The following IPO11 variants were observed in gnomAD, a reference collection of about 807,000 sequenced individuals.
The protein encoded by IPO11 is importin-11.
Under a neutral mutation model 143.2 loss-of-function variants are expected in IPO11, and 66 were observed. The ratio of observed to expected loss-of-function variants is 0.46; its 90% CI spans 0.38 to 0.57. The LOEUF (loss-of-function observed/expected upper bound fraction) is 0.57. Ranked by LOEUF, IPO11 falls within the 20% of genes least tolerant of loss-of-function variation. IPO11 has a pLI of 0.00. For missense variants in IPO11, 1,026 were observed against 1,141.0 expected (o/e 0.90, Z 1.45); for synonymous variants, 385 against 377.8 (o/e 1.02, Z -0.22).
chr5:62,419,126 T>A, intron 1 of IPO11: 1 of 1,549,138 alleles, frequency 6.5e-7, no homozygotes, highest in Non-Finnish European at 8.7e-7. Flanking sequence ...TGTCACAAAA[T>A]GGTAAGTATT....
intron 21 of IPO11, 84 bp from the exon 22 acceptor site, chr5:62,530,625 G>T: frequency 1.3e-6 from 1 of 768,874 alleles, no homozygotes; most frequent in Non-Finnish European, 2.2e-6. Context: ...TCATTTAAAT[G>T]AGACCTTTTA....
At chr5:62,524,041 C>T (rs184074911) in intron 20 of IPO11, among the ~76,000 whole-genome samples, 1 of 152,030 alleles carries the variant, frequency 6.6e-6, no homozygotes, top group East Asian at 1.9e-4. Flanking sequence ...ATTAATTCTC[C>T]CCTCTTTAAT....
intron 1 of IPO11, among the ~76,000 whole-genome samples, chr5:62,434,886 G>A (rs570177967): frequency 1.9e-3 from 283 of 151,334 alleles, no homozygotes; most frequent in African/African-American, 6.5e-3. Context: ...TTAGCTGGGC[G>A]TGGTGGCTCG....
intron 1 of IPO11, among the ~76,000 whole-genome samples, chr5:62,424,414 C>CTTAA (rs1743639051): frequency 6.6e-6 from 1 of 151,560 alleles, no homozygotes; most frequent in African/African-American, 2.4e-5. Flanking sequence ...GCTGGGATTA[C>CTTAA]GGGTGTGAGC....
intron 29 of IPO11, among the ~76,000 whole-genome samples, chr5:62,606,466 AC>A (rs1745718631): frequency 7.5e-6 from 1 of 133,562 alleles, no homozygotes; most frequent in Non-Finnish European, 1.6e-5. Context: ...AGACAACAGA[AC>A]GAGACCCTGT....
chr5:62,589,670 T>C (rs538361476), intron 27 of IPO11, among the ~76,000 whole-genome samples: 95 of 152,296 alleles, frequency 6.2e-4, no homozygotes, highest in Admixed American at 1.1e-3. Flanking sequence ...ATGTGGTTCT[T>C]TTTACTGCCC....
Position 62,514,590 on chromosome 5 carries a change from AGGGAGAGGGAGAC to A in IPO11, c.1783-785_1783-773del, listed in dbSNP as rs1280279100. Among the ~76,000 whole-genome samples the A allele has an allele frequency of 3.0e-5, 4 of 132,438 alleles. 1 individual carries two copies. The highest frequency in any genetic ancestry group is 1.2e-4 in the African/African-American group (4 of 32,964). 86.9% of individuals were successfully genotyped at this position (132,438 alleles called of 152,430 possible). A position where few individuals can be genotyped will look rare whatever the true frequency, so the allele number is the denominator to read the frequency against. On this transcript the variant is annotated intron_variant, in intron 19 of 29. Transcript: ENST00000325324. ...ATGAGAGGGAGACCGTGGAAAGGAG[AGGGAGAGGGAGAC>A]GGGAGAGGGAGAGGGAGAGGGAGAG...
chr5:62,435,090 A>ATATATG (rs1561308723), intron 1 of IPO11, among the ~76,000 whole-genome samples: 1 of 82,298 alleles, frequency 1.2e-5, no homozygotes, highest in Non-Finnish European at 2.4e-5. Context: ...ATGTGTATAT[A>ATATATG]TGTATATATG....
chr5:62,413,804 T>C (rs980907383), intron 1 of IPO11, among the ~76,000 whole-genome samples: 6 of 152,246 alleles, frequency 3.9e-5, no homozygotes, highest in South Asian at 2.1e-4. Flanking sequence ...TCCATTTTCA[T>C]GTTATTTCAA....
At chr5:62,605,981 T>C (rs1412015174) in intron 29 of IPO11, among the ~76,000 whole-genome samples, 1 of 152,108 alleles carries the variant, frequency 6.6e-6, no homozygotes, top group Non-Finnish European at 1.5e-5. Flanking sequence ...TCCTCCCTTG[T>C]CAGCCTTCCA....
chr5:62,478,136 G>A (rs535505256), intron 9 of IPO11, among the ~76,000 whole-genome samples: 3 of 152,054 alleles, frequency 2.0e-5, no homozygotes, highest in African/African-American at 7.2e-5. Flanking sequence ...ATTTGAGTGC[G>A]TGTCTTTAAG....
At chr5:62,508,298 ATT>A (rs70981020) in intron 19 of IPO11, among the ~76,000 whole-genome samples, 15 of 127,454 alleles carry the variant, frequency 1.2e-4, no homozygotes, top group Admixed American at 2.3e-4. Flanking sequence ...TGCCTGGCTA[ATT>A]TTTTTTTTTT....
chr5:62,440,394 G>C (rs1251898583), intron 2 of IPO11, among the ~76,000 whole-genome samples: 1 of 134,078 alleles, frequency 7.5e-6, no homozygotes, highest in South Asian at 2.3e-4. Context: ...TCGCTGTGTT[G>C]CCCAGGCTGG....
At chr5:62,472,049 A>G (rs1745789432) in intron 7 of IPO11, among the ~76,000 whole-genome samples, 1 of 152,238 alleles carries the variant, frequency 6.6e-6, no homozygotes, top group Non-Finnish European at 1.5e-5. Flanking sequence ...AAGATTTTCG[A>G]GAAACCAACT....
intron 27 of IPO11, among the ~76,000 whole-genome samples, chr5:62,576,693 G>C (rs564071096): frequency 6.6e-6 from 1 of 152,272 alleles, no homozygotes; most frequent in South Asian, 2.1e-4. Context: ...TGAGGGAAGA[G>C]GATCACTTGA....
intron 29 of IPO11, among the ~76,000 whole-genome samples, chr5:62,616,070 A>AGGGGGGGGGGGGGGG (rs67923113): frequency 1.9e-5 from 2 of 106,350 alleles, no homozygotes; most frequent in African/African-American, 4.1e-5. Flanking sequence ...TGGGGGAGGA[A>AGGGGGGGGGGGGGGG]GGGGGGTGGC....
At chr5:62,534,183 A>C (rs1463571375) in intron 22 of IPO11, among the ~76,000 whole-genome samples, 1 of 152,182 alleles carries the variant, frequency 6.6e-6, no homozygotes, top group Non-Finnish European at 1.5e-5. Context: ...TTATTATATT[A>C]ATTTAGTTCT....
At chr5:62,623,932 T>C (rs1746464992) in intron 29 of IPO11, among the ~76,000 whole-genome samples, 1 of 151,488 alleles carries the variant, frequency 6.6e-6, no homozygotes, top group Non-Finnish European at 1.5e-5. Context: ...CTTTTATGGG[T>C]ATTACTTGAT....
chr5:62,489,413 G>A (rs36030071), intron 14 of IPO11, 64 bp downstream of exon 14: 70,025 of 1,198,330 alleles, frequency 0.058, 2,762 homozygotes, highest in Non-Finnish European at 0.065. Context: ...TCTGTTTTGT[G>A]GTAGATTTTG....
Sources: gnomAD v4.1 joint callset for allele counts (sites outside exome capture counted in the v4.1 genomes callset) on GRCh38, gnomAD v4.1.1 for gene constraint, MANE v1.5 for transcripts, NCBI Gene and HGNC (gene_info 2026-07-23, HGNC 2026-07-21) for gene names.